FGD4: variants seen among roughly 807,000 people sequenced by gnomAD.
The protein encoded by FGD4 is FYVE, RhoGEF and PH domain-containing protein 4.
Under a neutral mutation model 102.0 loss-of-function variants are expected in FGD4, and 42 were observed. That is an observed-to-expected ratio of 0.41 (90% CI 0.32 to 0.53). The LOEUF (loss-of-function observed/expected upper bound fraction) is 0.53, where lower values mean the gene tolerates loss of function less well. Among genes scored for constraint, FGD4 ranks in the 20% least tolerant of loss-of-function variants. The probability of loss-of-function intolerance (pLI) is 0.21; values close to 1 mark genes in which losing one functional copy is unlikely to be tolerated. For missense variants in FGD4, 902 were observed against 1,078.2 expected (o/e 0.84, Z 2.29); for synonymous variants, 380 against 375.7 (o/e 1.01, Z -0.13).
intron 1 of FGD4, among the ~76,000 whole-genome samples, chr12:32,481,577 T>C (rs933275322): frequency 1.3e-5 from 2 of 152,088 alleles, no homozygotes; most frequent in African/African-American, 2.4e-5. Context: ...AATCCCAGCA[T>C]TTTGGGAAGC....
chr12:32,531,218 G>C (rs891317243), intron 1 of FGD4, among the ~76,000 whole-genome samples: 1 of 151,528 alleles, frequency 6.6e-6, no homozygotes, highest in Non-Finnish European at 1.5e-5. Flanking sequence ...CAAAGTGCTG[G>C]GATTATAGCT....
intron 9 of FGD4, 105 bp downstream of exon 9, chr12:32,610,939 C>A: frequency 1.5e-6 from 2 of 1,330,518 alleles, no homozygotes; most frequent in Non-Finnish European, 2.1e-6. Context: ...AATAGATGAG[C>A]CAAAAAGAAT....
At chr12:32,543,919 A>G (rs1943039930) in intron 1 of FGD4, among the ~76,000 whole-genome samples, 1 of 151,968 alleles carries the variant, frequency 6.6e-6, no homozygotes, top group South Asian at 2.1e-4. Flanking sequence ...GAGCCACCGC[A>G]CCCAGCCGGA....
chr12:32,434,526 G>GAAA (rs1317309171), intron 1 of FGD4, among the ~76,000 whole-genome samples: 2 of 152,178 alleles, frequency 1.3e-5, no homozygotes, highest in African/African-American at 4.8e-5. Flanking sequence ...TAGCTCCTTA[G>GAAA]AAATGTTAGG....
chr12:32,584,701 T>G (rs1241476915), intron 4 of FGD4, among the ~76,000 whole-genome samples: 2 of 152,194 alleles, frequency 1.3e-5, no homozygotes, highest in Non-Finnish European at 2.9e-5. Flanking sequence ...CACACCAGAT[T>G]ATCAGCTGCT....
chr12:32,498,022 G>A (rs1156722782), intron 1 of FGD4, among the ~76,000 whole-genome samples: 1 of 152,156 alleles, frequency 6.6e-6, no homozygotes. Context: ...TGTGACTGAA[G>A]AGCACAGGAC....
At chr12:32,598,610 A>G in intron 5 of FGD4, 24 bp downstream of exon 5, 4 of 1,581,954 alleles carry the variant, frequency 2.5e-6, no homozygotes, top group Non-Finnish European at 3.5e-6. Context: ...TCTCAGAATT[A>G]TTTTATATTT....
At chr12:32,590,541 A>G (rs1317745669) in intron 4 of FGD4, among the ~76,000 whole-genome samples, 1 of 152,102 alleles carries the variant, frequency 6.6e-6, no homozygotes, top group African/African-American at 2.4e-5. Context: ...CCAAATCCAG[A>G]GGGATTTCTC....
At chr12:32,521,028 T>C (rs569642100) in intron 1 of FGD4, among the ~76,000 whole-genome samples, 2 of 152,198 alleles carry the variant, frequency 1.3e-5, no homozygotes, top group South Asian at 4.1e-4. Flanking sequence ...TATAAAGTGT[T>C]TGAAAACAAT....
At chr12:32,622,852 C>T (rs1337832719) in intron 11 of FGD4, among the ~76,000 whole-genome samples, 1 of 152,208 alleles carries the variant, frequency 6.6e-6, no homozygotes, top group Non-Finnish European at 1.5e-5. Context: ...CTCGGCCTCC[C>T]AAAGTGCTGG....
intron 1 of FGD4, among the ~76,000 whole-genome samples, chr12:32,423,023 T>C (rs549496908): frequency 1.3e-5 from 2 of 152,350 alleles, no homozygotes; most frequent in African/African-American, 4.8e-5. Flanking sequence ...TCTTAATCTC[T>C]GTACTTTTCT....
rs546758402 is a variant in FGD4, at chr12:32,627,433, C to G, written c.2172+1654C>G. ...CCTCCCAAAGTGCTGGGATTACAGGCGTGAGCCACTGCACCTGGCCCCATT... is the reference window on the plus strand; with the variant it reads ...CCTCCCAAAGTGCTGGGATTACAGGGGTGAGCCACTGCACCTGGCCCCATT... On this transcript the variant is annotated intron_variant, in intron 14 of 16. Coordinates refer to ENST00000534526, the MANE Select transcript of FGD4 (RefSeq NM_001370298.3). Among the ~76,000 whole-genome samples the G allele has an allele frequency of 1.2e-3, 189 of 152,302 alleles. 1 individual carries two copies. Among genetic ancestry groups the G allele is most frequent in the African/African-American group, 3.8e-3 (156 of 41,554 alleles).
At position 32,544,967 on chromosome 12, in the gene FGD4, G is replaced by A. The variant is rs183115772; in HGVS notation, c.167-19170G>A. Among the ~76,000 whole-genome samples, 16 of 152,294 alleles carry A rather than the reference G, an allele frequency of 1.1e-4. No individual in the cohort carries two copies. The highest frequency in any genetic ancestry group is 9.8e-4 in the Admixed American group (15 of 15,298). On this transcript the variant is annotated intron_variant, in intron 1 of 16. Transcript: ENST00000534526. The surrounding 1 kb of genome is among the most constrained non-coding windows in gnomAD (Gnocchi z 4.1). ...TCTCATATCCCAGAGATTGACTTAA[G>A]TGGTTTGGGGTGCAACCCAGGTATT...
At chr12:32,546,979 C>T (rs1293356981) in intron 1 of FGD4, among the ~76,000 whole-genome samples, 1 of 152,128 alleles carries the variant, frequency 6.6e-6, no homozygotes, top group Non-Finnish European at 1.5e-5. Flanking sequence ...GTTTGATGCC[C>T]TGGGTATTTT....
intron 1 of FGD4, among the ~76,000 whole-genome samples, chr12:32,495,706 A>AAAAAG (rs139945552): frequency 0.29 from 42,723 of 146,184 alleles, 7,023 homozygotes; most frequent in Middle Eastern, 0.48. Context: ...AAAAAAAAAA[A>AAAAAG]AAAAAAGAAG....
At chr12:32,601,236 C>T in intron 5 of FGD4, 42 bp from the exon 6 acceptor site, 4 of 1,595,480 alleles carry the variant, frequency 2.5e-6, no homozygotes, top group Non-Finnish European at 3.4e-6. Context: ...AGGTGGTTAA[C>T]CAATAAATGT....
chr12:32,436,191 A>G (rs1942223091), intron 1 of FGD4, among the ~76,000 whole-genome samples: 1 of 152,238 alleles, frequency 6.6e-6, no homozygotes, highest in Non-Finnish European at 1.5e-5. Context: ...CTACAGGCAC[A>G]CTATGACTGG....
intron 1 of FGD4, among the ~76,000 whole-genome samples, chr12:32,448,438 A>G (rs1942682207): frequency 6.6e-6 from 1 of 152,080 alleles, no homozygotes; most frequent in Non-Finnish European, 1.5e-5. Flanking sequence ...CGAGTGGATC[A>G]CCTGAGGTCA....
intron 1 of FGD4, among the ~76,000 whole-genome samples, chr12:32,513,900 T>C (rs1939633909): frequency 6.6e-6 from 1 of 152,218 alleles, no homozygotes; most frequent in Admixed American, 6.5e-5. Context: ...TTTGTATTCT[T>C]CACAATTTTG....
Sources: allele counts gnomAD v4.1 joint callset (sites outside exome capture counted in the v4.1 genomes callset), GRCh38; gene constraint gnomAD v4.1.1; non-coding constraint Gnocchi (gnomAD v3.1); transcripts MANE v1.5; gene names NCBI Gene and HGNC (gene_info 2026-07-23, HGNC 2026-07-21).